The following PAK5 variants were observed in gnomAD, a reference collection of about 807,000 sequenced individuals.
The protein encoded by PAK5 is serine/threonine-protein kinase PAK 5.
In PAK5, 16 loss-of-function variants were observed where a neutral mutation model predicts 65.9. The observed-to-expected ratio is 0.24, with a 90% CI of 0.16 to 0.37. The LOEUF (loss-of-function observed/expected upper bound fraction) is 0.37, where lower values mean the gene tolerates loss of function less well. Ranked by LOEUF, PAK5 falls within the 10% of genes least tolerant of loss-of-function variation. The pLI is 1.00. For synonymous variants in PAK5, 371 were observed against 354.9 expected, an observed-to-expected ratio of 1.05 and a Z score of -0.51; for missense variants, 785 against 903.9, an observed-to-expected ratio of 0.87 and a Z score of 1.69.
chr20:9,592,070 A>G (rs1321144250), intron 3 of PAK5, among the ~76,000 whole-genome samples: 1 of 152,194 alleles, frequency 6.6e-6, no homozygotes, highest in East Asian at 1.9e-4. Context: ...TAGAAGAGAA[A>G]AGTTGCAATC....
At chr20:9,623,468 G>A (rs534657482) in intron 3 of PAK5, among the ~76,000 whole-genome samples, 379 of 152,242 alleles carry the variant, frequency 2.5e-3, no homozygotes, top group South Asian at 6.0e-3. Context: ...ATGAAATCAA[G>A]TAGATGAGTT....
intron 3 of PAK5, among the ~76,000 whole-genome samples, chr20:9,631,091 G>T (rs2046914992): frequency 6.6e-6 from 1 of 152,188 alleles, no homozygotes; most frequent in Non-Finnish European, 1.5e-5. Context: ...GCTGCAATGA[G>T]ATGAGACTTT....
chr20:9,540,926 T>TG (rs1423618687), intron 9 of PAK5, among the ~76,000 whole-genome samples: 2 of 152,178 alleles, frequency 1.3e-5, no homozygotes, highest in African/African-American at 4.8e-5. Context: ...TTAGTGGAGA[T>TG]GGGGTTTCAC....
Position 9,778,316 on chromosome 20 carries a change from T to C in PAK5, c.-162+60446A>G, listed in dbSNP as rs569692604. On this transcript the variant is annotated intron_variant, in intron 1 of 9. Transcript: ENST00000353224. ...GTAATTGCATGATTACAACTCATTG[T>C]AGCCTCAAACCCCTGGGCTCAAGTG... Among the ~76,000 whole-genome samples, 3 of 152,298 alleles carry C rather than the reference T, an allele frequency of 2.0e-5. No homozygotes were observed. The South Asian group carries it at 6.2e-4, about 32-fold the overall frequency.
In PAK5 at chr20:9,597,884, G is replaced by A. The variant is rs1394108002; in HGVS notation, c.205-16954C>T. On this transcript the variant is annotated intron_variant, in intron 3 of 9. Transcript: ENST00000353224. ...AGCTGATGCGAGTGAGCCCTGATGA[G>A]GCTAGAACCATGGGTCAAGCACAGG... 2.6e-5 allele frequency among the ~76,000 whole-genome samples: 4 copies of A among 152,344 alleles called. No individual in the cohort carries two copies. The East Asian group carries it at 5.8e-4, about 22-fold the overall frequency.
At chr20:9,796,409 G>A (rs138336383) in intron 1 of PAK5, among the ~76,000 whole-genome samples, 1 of 152,182 alleles carries the variant, frequency 6.6e-6, no homozygotes, top group Non-Finnish European at 1.5e-5. Flanking sequence ...AGACACAAAT[G>A]GCCCCAAGAG....
At chr20:9,546,147 T>C (rs1232704023) in intron 7 of PAK5, among the ~76,000 whole-genome samples, 1 of 152,186 alleles carries the variant, frequency 6.6e-6, no homozygotes, top group Non-Finnish European at 1.5e-5. Context: ...CATGTTATTA[T>C]GGTAATTTCC....
intron 3 of PAK5, among the ~76,000 whole-genome samples, chr20:9,611,553 T>A (rs1369864395): frequency 6.6e-6 from 1 of 152,230 alleles, no homozygotes; most frequent in Non-Finnish European, 1.5e-5. Flanking sequence ...TTTGTTAAGA[T>A]GCCATATAAG....
In PAK5 at chr20:9,597,527, C is replaced by T. The variant is rs539792280; in HGVS notation, c.205-16597G>A. Reference sequence around the variant, plus strand: ...TTCTTAACAATGTCAGAACCAAACTCGAGTAGGTTGATGCAAAAGTGGTTC... The same window carrying T: ...TTCTTAACAATGTCAGAACCAAACTTGAGTAGGTTGATGCAAAAGTGGTTC... On this transcript the variant is annotated intron_variant, in intron 3 of 9. Transcript: ENST00000353224. 5.9e-5 allele frequency among the ~76,000 whole-genome samples: 9 copies of T among 152,346 alleles called. No individual in the cohort carries two copies. In the East Asian group the frequency reaches 1.3e-3, roughly 23 times the overall value.
intron 1 of PAK5, among the ~76,000 whole-genome samples, chr20:9,820,829 A>G (rs1403169592): frequency 6.6e-6 from 1 of 150,472 alleles, no homozygotes; most frequent in Admixed American, 6.7e-5. Context: ...GGAGCCCTGA[A>G]ATGAGAACCA....
intron 2 of PAK5, among the ~76,000 whole-genome samples, chr20:9,650,017 G>A (rs1569020257): frequency 1.3e-5 from 2 of 152,178 alleles, no homozygotes; most frequent in Non-Finnish European, 2.9e-5. Flanking sequence ...ATGCTCTGCT[G>A]ACTTGAATAC....
At position 9,755,408 on chromosome 20, in the gene PAK5, C is replaced by G. The variant is rs546585059; in HGVS notation, c.-161-43973G>C. Among the ~76,000 whole-genome samples the G allele has an allele frequency of 6.8e-4, 103 of 152,268 alleles. 1 individual carries two copies. The highest frequency in any genetic ancestry group is 2.2e-3 in the African/African-American group (93 of 41,566). On this transcript the variant is annotated intron_variant, in intron 1 of 9. Transcript: ENST00000353224. ...GACTTAATTAATAGAGAGATCACAG[C>G]CTCACTCACATTAGCAACTCAAATA...
At chr20:9,557,302 C>G (rs1250680419) in intron 7 of PAK5, among the ~76,000 whole-genome samples, 1 of 152,134 alleles carries the variant, frequency 6.6e-6, no homozygotes, top group Admixed American at 6.5e-5. Context: ...CTAGAAGAGT[C>G]AGCTCTTCTC....
At position 9,539,246 on chromosome 20, in the gene PAK5, C is replaced by A; in HGVS notation, c.*216G>T. On this transcript the variant is annotated 3_prime_UTR_variant, in exon 10 of 10. Transcript: ENST00000353224. ...AAATATAATAATGACTTATTAAAGC[C>A]GTGCTCCAAGTGACCACACCGGCTG... is the stretch of plus-strand genomic sequence containing the variant. 4 of 503,076 alleles carry A rather than the reference C, an allele frequency of 8.0e-6. No individual in the cohort carries two copies. Among genetic ancestry groups the A allele is most frequent in the Non-Finnish European group, 1.4e-5 (4 of 278,092 alleles). The allele number at this position is 503,076 out of a possible 1,614,324, so 31.2% of individuals were successfully genotyped here. A position where few individuals can be genotyped will look rare whatever the true frequency, so the allele number is the denominator to read the frequency against.
At chr20:9,787,065 C>A (rs1471526884) in intron 1 of PAK5, among the ~76,000 whole-genome samples, 2 of 152,134 alleles carry the variant, frequency 1.3e-5, no homozygotes, top group East Asian at 3.9e-4. Flanking sequence ...TATATTTAAG[C>A]ACTAGTAAGG....
chr20:9,569,287 C>T (rs2045735774), intron 4 of PAK5, among the ~76,000 whole-genome samples: 1 of 152,152 alleles, frequency 6.6e-6, no homozygotes, highest in Non-Finnish European at 1.5e-5. Flanking sequence ...AGTGATTAGA[C>T]ATCCATGTGG....
chr20:9,758,370 A>G (rs1311538260), intron 1 of PAK5, among the ~76,000 whole-genome samples: 1 of 152,156 alleles, frequency 6.6e-6, no homozygotes, highest in East Asian at 1.9e-4. Context: ...GAACACATGA[A>G]TGTTTTCTCA....
intron 1 of PAK5, among the ~76,000 whole-genome samples, chr20:9,796,927 A>T (rs905436913): frequency 1.3e-5 from 2 of 152,104 alleles, no homozygotes; most frequent in Non-Finnish European, 2.9e-5. Context: ...GCTGGGTCAA[A>T]TGGTATTTCT....
intron 1 of PAK5, among the ~76,000 whole-genome samples, chr20:9,719,231 G>C (rs577446617): frequency 2.6e-5 from 4 of 152,146 alleles, no homozygotes; most frequent in African/African-American, 9.7e-5. Context: ...TGACATACGG[G>C]ACTGCATTTT....
Sources: gnomAD v4.1 joint callset for allele counts (sites outside exome capture counted in the v4.1 genomes callset) on GRCh38, gnomAD v4.1.1 for gene constraint, MANE v1.5 for transcripts, NCBI Gene and HGNC (gene_info 2026-07-23, HGNC 2026-07-21) for gene names.